The following DNAH5 variants were observed in gnomAD, a reference collection of about 807,000 sequenced individuals.
The protein encoded by DNAH5 is axonemal beta dynein heavy chain 5.
A neutral mutation model predicts 518.2 loss-of-function variants in DNAH5; 372 were observed. The ratio of observed to expected loss-of-function variants is 0.72; its 90% CI spans 0.66 to 0.78. The LOEUF (loss-of-function observed/expected upper bound fraction) is 0.78. DNAH5 is among the 30% of genes least tolerant of loss of function. DNAH5 has a pLI of 0.00. For synonymous variants in DNAH5, 2,039 were observed against 2,025.9 expected, an observed-to-expected ratio of 1.01 and a Z score of -0.17; for missense variants, 5,523 against 5,687.0, an observed-to-expected ratio of 0.97 and a Z score of 0.93.
Position 13,928,108 on chromosome 5 carries a change from T to A in DNAH5, c.263A>T (p.Glu88Val). 1 of 1,613,644 alleles carries A rather than the reference T, an allele frequency of 6.2e-7. No homozygotes were observed. Among genetic ancestry groups the A allele is most frequent in the South Asian group, 1.1e-5 (1 of 91,066 alleles). Residue 88 changes from glutamate (E) to valine (V), a missense_variant, in exon 3 of 79, where the codon GAG becomes GTG. Around this residue, in one of 3 missense-constraint regions of DNAH5, gnomAD observed 5,121 missense variants for 5,223.3 expected, o/e 0.98. Coordinates refer to ENST00000265104, the MANE Select transcript of DNAH5 (RefSeq NM_001369.3). ...AATTCAGATACCTGTTTCTGCTTCC[T>A]CCACATCTTGATAGTAAAACATGAG... is the stretch of plus-strand genomic sequence containing the variant. ...RHLMFYYQDV[E>V]EAETGQLGSL...
intron 78 of DNAH5, among the ~76,000 whole-genome samples, chr5:13,695,903 C>G (rs570976371): frequency 6.6e-6 from 1 of 152,108 alleles, no homozygotes; most frequent in Non-Finnish European, 1.5e-5. Flanking sequence ...CATCTACTTA[C>G]GCATGGACCT....
At chr5:13,791,738 T>A (rs1647655693) in intron 50 of DNAH5, among the ~76,000 whole-genome samples, 1 of 152,220 alleles carries the variant, frequency 6.6e-6, no homozygotes, top group African/African-American at 2.4e-5. Flanking sequence ...ATTGTTTCTT[T>A]TATTCTTTTC....
intron 65 of DNAH5, among the ~76,000 whole-genome samples, chr5:13,739,461 C>T (rs948194468): frequency 1.3e-5 from 2 of 152,078 alleles, no homozygotes; most frequent in Non-Finnish European, 2.9e-5. Flanking sequence ...TGAGGCCTCC[C>T]CAGCCATGCA....
intron 78 of DNAH5, among the ~76,000 whole-genome samples, chr5:13,695,497 G>C (rs558850815): frequency 6.6e-6 from 1 of 152,248 alleles, no homozygotes; most frequent in East Asian, 1.9e-4. Flanking sequence ...GAACTACGAG[G>C]ACATGTAAAC....
At chr5:14,008,503 G>A (rs1246734851) in intron 1 of DNAH5, among the ~76,000 whole-genome samples, 2 of 152,018 alleles carry the variant, frequency 1.3e-5, no homozygotes, top group African/African-American at 4.8e-5. Flanking sequence ...AGGTGCCTGT[G>A]ATCCCAGCTA....
At position 13,913,904 on chromosome 5, in the gene DNAH5, C is replaced by A; in HGVS notation, c.1375G>T (p.Ala459Ser). The change falls in exon 11 of 79, where the codon GCA becomes TCA. Residue 459 changes from alanine (A) to serine (S), a missense_variant. Ala to Ser is a moderately conservative substitution (Grantham distance 99). This residue lies in a region of DNAH5 where 5,121 missense variants were observed against 5,223.3 expected (regional missense o/e 0.98). Coordinates refer to ENST00000265104, the MANE Select transcript of DNAH5 (RefSeq NM_001369.3). ...ATCTCGCTAAAATCAAATTGTTTTG[C>A]ATTTGGATTTTGTTTAAGCTTTTGT... ...TKQKLKQNPN[A>S]KQFDFSEMYI... The A allele has an allele frequency of 6.2e-7, 1 of 1,613,460 alleles. No homozygotes were observed. Among genetic ancestry groups the A allele is most frequent in the Non-Finnish European group, 8.5e-7 (1 of 1,179,542 alleles).
chr5:13,972,167 C>T (rs1425351025), intron 1 of DNAH5, among the ~76,000 whole-genome samples: 4 of 152,162 alleles, frequency 2.6e-5, no homozygotes, highest in East Asian at 1.9e-4. Context: ...TCACTCCTAC[C>T]GTGGGCCCCC....
In DNAH5 at chr5:13,817,448, T is replaced by C; in HGVS notation, c.6988+100A>G. The C allele has an allele frequency of 2.4e-6, 3 of 1,237,240 alleles. No individual in the cohort carries two copies. In the South Asian group the frequency reaches 3.8e-5, roughly 16 times the overall value. The allele number at this position is 1,237,240 out of a possible 1,614,324, so 76.6% of individuals were successfully genotyped here. A position where few individuals can be genotyped will look rare whatever the true frequency, so the allele number is the denominator to read the frequency against. On this transcript the variant is annotated intron_variant, in intron 42 of 78. Coordinates refer to ENST00000265104, the MANE Select transcript of DNAH5 (RefSeq NM_001369.3). ...TATGACTTCTTAGTCTTGGCTAAGA[T>C]ATTATACAGCAAATACAGTTGTTCT...
At position 13,762,916 on chromosome 5, in the gene DNAH5, A is replaced by G; in HGVS notation, c.10102-15T>C. ...TTTGGGAATTGCTATGGAAGAAAAG[A>G]GTAAAATAAAGTCGAAACACTTCTT... On this transcript the variant is annotated splice_polypyrimidine_tract_variant and intron_variant, in intron 59 of 78. Transcript: ENST00000265104. 6.2e-7 allele frequency: 1 copy of G among 1,607,510 alleles called. No homozygotes were observed. The highest frequency in any genetic ancestry group is 8.5e-7 in the Non-Finnish European group (1 of 1,174,482).
At position 13,862,533 on chromosome 5, in the gene DNAH5, A is replaced by G; in HGVS notation, c.4796+15T>C. 1.2e-6 allele frequency: 2 copies of G among 1,611,750 alleles called. No homozygotes were observed. The highest frequency in any genetic ancestry group is 1.7e-6 in the Non-Finnish European group (2 of 1,177,884). ...GGTTCTCAAATCTAAGGGAAAAGATAGATGGTTTTCCCACCTGTTGCTCAG... is the reference window on the plus strand; with the variant it reads ...GGTTCTCAAATCTAAGGGAAAAGATGGATGGTTTTCCCACCTGTTGCTCAG... On this transcript the variant is annotated intron_variant, in intron 29 of 78. Transcript: ENST00000265104.
Position 13,814,590 on chromosome 5 carries a change from A to T in DNAH5, c.7230+15T>A. 6.2e-7 allele frequency: 1 copy of T among 1,613,006 alleles called. No homozygotes were observed. Among genetic ancestry groups the T allele is most frequent in the Non-Finnish European group, 8.5e-7 (1 of 1,179,106 alleles). On this transcript the variant is annotated intron_variant, in intron 43 of 78. Transcript: ENST00000265104. ...TTTTCCTTTTTAATTATACAAAAGA[A>T]GGATTCAATTATACCTCAAGAATAG...
chr5:13,822,785 C>T (rs1186502870), intron 40 of DNAH5, among the ~76,000 whole-genome samples: 2 of 152,030 alleles, frequency 1.3e-5, no homozygotes, highest in Non-Finnish European at 2.9e-5. Flanking sequence ...GTGGTGGGTT[C>T]CCCCACCCTA....
At chr5:13,856,433 G>C (rs1488268569) in intron 30 of DNAH5, among the ~76,000 whole-genome samples, 1 of 151,924 alleles carries the variant, frequency 6.6e-6, no homozygotes, top group African/African-American at 2.4e-5. Flanking sequence ...AATTCTACCA[G>C]AGGTTCAAAG....
intron 1 of DNAH5, among the ~76,000 whole-genome samples, chr5:13,961,550 G>T (rs1304633541): frequency 6.6e-6 from 1 of 152,020 alleles, no homozygotes; most frequent in Admixed American, 6.6e-5. Flanking sequence ...AAGCTGAGGC[G>T]GGAGAATCAC....
chr5:13,878,215 C>A (rs974560263), intron 21 of DNAH5, among the ~76,000 whole-genome samples: 2 of 152,172 alleles, frequency 1.3e-5, no homozygotes, highest in African/African-American at 4.8e-5. Flanking sequence ...CCAACTTCTG[C>A]AGCCACCTCC....
intron 59 of DNAH5, among the ~76,000 whole-genome samples, chr5:13,764,828 T>C (rs2126755874): frequency 6.6e-6 from 1 of 152,220 alleles, no homozygotes; most frequent in Admixed American, 6.5e-5. Flanking sequence ...AAATGAAGCA[T>C]ATTATAGTGT....
intron 70 of DNAH5, among the ~76,000 whole-genome samples, chr5:13,724,125 A>G (rs1326263992): frequency 6.6e-6 from 1 of 152,174 alleles, no homozygotes; most frequent in African/African-American, 2.4e-5. Context: ...TCCAACTTCA[A>G]CCCAACACCC....
chr5:13,887,301 C>T (rs943880796), intron 17 of DNAH5, among the ~76,000 whole-genome samples: 1 of 152,118 alleles, frequency 6.6e-6, no homozygotes, highest in South Asian at 2.1e-4. Context: ...GTTCCAACAA[C>T]GTTGTTTACA....
At chr5:13,921,084 T>C (rs1777204184) in intron 5 of DNAH5, among the ~76,000 whole-genome samples, 1 of 152,106 alleles carries the variant, frequency 6.6e-6, no homozygotes, top group Non-Finnish European at 1.5e-5. Context: ...ATAATAATAA[T>C]AAAATTAAAA....
Sources: allele counts gnomAD v4.1 joint callset (sites outside exome capture counted in the v4.1 genomes callset), GRCh38; gene constraint gnomAD v4.1.1; regional missense constraint gnomAD v4.1.1; transcripts MANE v1.5; gene names NCBI Gene and HGNC (gene_info 2026-07-23, HGNC 2026-07-21).